Variants in EYA1 observed in about 807,000 individuals in gnomAD.
The protein encoded by EYA1 is EYA transcriptional coactivator and phosphatase 1.
A neutral mutation model predicts 82.0 loss-of-function variants in EYA1; 16 were observed. The ratio of observed to expected loss-of-function variants is 0.20; its 90% CI spans 0.13 to 0.30. EYA1 has a LOEUF of 0.30. Among genes scored for constraint, EYA1 ranks in the 10% least tolerant of loss-of-function variants. The probability of loss-of-function intolerance (pLI) is 1.00; values close to 1 mark genes in which losing one functional copy is unlikely to be tolerated. For missense variants in EYA1, 633 were observed against 730.7 expected (o/e 0.87, Z 1.54); for synonymous variants, 261 against 264.4 (o/e 0.99, Z 0.12).
chr8:71,308,623 A>G (rs1820988292), intron 7 of EYA1, among the ~76,000 whole-genome samples: 1 of 152,128 alleles, frequency 6.6e-6, no homozygotes, highest in Non-Finnish European at 1.5e-5. Flanking sequence ...TGTCGATTTA[A>G]ACATTACTTA....
rs1475273271 is a variant in EYA1, at chr8:71,198,645, T to C, written c.*695A>G. ...TCTGTACATGATTGTCTCAGTGATGTACATATTATACGTTTAAATTAGACA... is the reference window on the plus strand; with the variant it reads ...TCTGTACATGATTGTCTCAGTGATGCACATATTATACGTTTAAATTAGACA... On this transcript the variant is annotated 3_prime_UTR_variant, in exon 18 of 18. Transcript: ENST00000340726. 1 of 153,182 alleles carries C rather than the reference T, an allele frequency of 6.5e-6. No homozygotes were observed. The highest frequency in any genetic ancestry group is 2.1e-4 in the South Asian group (1 of 4,860). The allele number at this position is 153,182 out of a possible 1,614,324, so 9.5% of individuals were successfully genotyped here.
At chr8:71,349,159 C>T (rs1186047600) in intron 3 of EYA1, among the ~76,000 whole-genome samples, 1 of 152,138 alleles carries the variant, frequency 6.6e-6, no homozygotes, top group Admixed American at 6.6e-5. Flanking sequence ...ATACAATGTG[C>T]ACCTGGACCA....
chr8:71,429,049 T>C (rs1805447805), intron 2 of EYA1, among the ~76,000 whole-genome samples: 1 of 152,148 alleles, frequency 6.6e-6, no homozygotes, highest in Non-Finnish European at 1.5e-5. Flanking sequence ...ATGGAAGTAT[T>C]TGGTCACCTT....
rs145281298 is a variant in EYA1, at chr8:71,510,262, C to T, written c.33+25482G>A. ...ACCCCAAAGCAAGTCCAGCTCACCA[C>T]GATTGAAAACACAGCTGTCCAGCTG... is the stretch of plus-strand genomic sequence containing the variant. On this transcript the variant is annotated intron_variant, in intron 2 of 18. Coordinates refer to the EYA1 transcript ENST00000643681. Among the ~76,000 whole-genome samples the T allele has an allele frequency of 1.9e-3, 294 of 152,206 alleles. 1 individual carries two copies. Among genetic ancestry groups the T allele is most frequent in the African/African-American group, 4.4e-3 (182 of 41,508 alleles).
intron 2 of EYA1, among the ~76,000 whole-genome samples, chr8:71,509,530 T>C (rs562691460): frequency 1.3e-5 from 2 of 152,322 alleles, no homozygotes; most frequent in Admixed American, 1.3e-4. Context: ...GAATTTGGAA[T>C]CTTTTAAACA....
At chr8:71,519,889 A>G (rs565566251) in intron 2 of EYA1, among the ~76,000 whole-genome samples, 1 of 152,314 alleles carries the variant, frequency 6.6e-6, no homozygotes, top group East Asian at 1.9e-4. Context: ...ACTGCAAATT[A>G]GTTCTACTGA....
At chr8:71,265,523 TA>T (rs1815691778) in intron 11 of EYA1, among the ~76,000 whole-genome samples, 1 of 152,178 alleles carries the variant, frequency 6.6e-6, no homozygotes, top group Non-Finnish European at 1.5e-5. Flanking sequence ...CATTAAACAA[TA>T]AAAAGATAGT....
chr8:71,317,824 A>T, intron 6 of EYA1, 135 bp from the exon 7 acceptor site: 1 of 807,170 alleles, frequency 1.2e-6, no homozygotes, highest in African/African-American at 1.7e-5. Flanking sequence ...GTATACATGC[A>T]TTCAGTGAAA....
intron 2 of EYA1, among the ~76,000 whole-genome samples, chr8:71,370,336 C>T (rs568371923): frequency 4.7e-5 from 7 of 149,462 alleles, no homozygotes; most frequent in Admixed American, 2.7e-4. Context: ...GCTGGTCTAT[C>T]GGCCAGTAAT....
chr8:71,266,987 T>C (rs1193784274), intron 11 of EYA1, among the ~76,000 whole-genome samples: 1 of 152,142 alleles, frequency 6.6e-6, no homozygotes, highest in Admixed American at 6.5e-5. Context: ...TAATCCAGAG[T>C]CCAAATAATT....
rs1049158077 is a variant in EYA1, at chr8:71,327,586, C to T, written c.203-5318G>A. Among the ~76,000 whole-genome samples, 3 of 152,262 alleles carry T rather than the reference C, an allele frequency of 2.0e-5. No homozygotes were observed. In the East Asian group the frequency reaches 5.8e-4, roughly 29 times the overall value. On this transcript the variant is annotated intron_variant, in intron 4 of 17. Transcript: ENST00000340726. ...TATTTGGAAACCATGATAAACAATG[C>T]TGCAATTTTCAACTCAGCCACATGC...
intron 9 of EYA1, among the ~76,000 whole-genome samples, chr8:71,281,599 G>A (rs536829908): frequency 2.6e-5 from 4 of 152,306 alleles, no homozygotes; most frequent in African/African-American, 9.6e-5. Context: ...CCACTGCCAC[G>A]GGTCTGCTGA....
intron 2 of EYA1, among the ~76,000 whole-genome samples, chr8:71,417,678 C>T (rs1270174055): frequency 6.6e-6 from 1 of 152,134 alleles, no homozygotes; most frequent in African/African-American, 2.4e-5. Flanking sequence ...AGGGTTCCTG[C>T]TGAACACTGA....
At chr8:71,342,114 T>C (rs1485714556) in intron 3 of EYA1, among the ~76,000 whole-genome samples, 1 of 152,158 alleles carries the variant, frequency 6.6e-6, no homozygotes, top group Non-Finnish European at 1.5e-5. Flanking sequence ...ATACTAATGC[T>C]CATCTCTCCC....
intron 12 of EYA1, among the ~76,000 whole-genome samples, chr8:71,224,158 A>C (rs1810286950): frequency 6.6e-6 from 1 of 152,240 alleles, no homozygotes; most frequent in African/African-American, 2.4e-5. Flanking sequence ...TTTGCATGTT[A>C]TAAAAGGGAA....
At chr8:71,367,765 G>A (rs1827840309) in intron 2 of EYA1, among the ~76,000 whole-genome samples, 1 of 152,148 alleles carries the variant, frequency 6.6e-6, no homozygotes, top group Admixed American at 6.5e-5. Flanking sequence ...CTAGATTCAT[G>A]CTTGCAAGCG....
intron 2 of EYA1, among the ~76,000 whole-genome samples, chr8:71,530,519 T>G (rs1470644173): frequency 6.6e-6 from 1 of 152,248 alleles, no homozygotes; most frequent in African/African-American, 2.4e-5. Flanking sequence ...GTTTTATATT[T>G]AAGTTATCTA....
At chr8:71,435,328 T>A (rs540389643) in intron 2 of EYA1, among the ~76,000 whole-genome samples, 2 of 152,234 alleles carry the variant, frequency 1.3e-5, no homozygotes, top group East Asian at 3.9e-4. Flanking sequence ...ACTGTGAGCT[T>A]CTTGAGGGCA....
chr8:71,450,359 A>G (rs1388886353), intron 2 of EYA1, among the ~76,000 whole-genome samples: 1 of 152,098 alleles, frequency 6.6e-6, no homozygotes, highest in African/African-American at 2.4e-5. Context: ...TTATTAACAG[A>G]CCTAATTTGA....
Sources: allele counts gnomAD v4.1 joint callset (sites outside exome capture counted in the v4.1 genomes callset), GRCh38; gene constraint gnomAD v4.1.1; transcripts MANE v1.5; gene names NCBI Gene and HGNC (gene_info 2026-07-23, HGNC 2026-07-21).